The following CAMSAP1 variants were observed in gnomAD, a reference collection of about 807,000 sequenced individuals.
The protein encoded by CAMSAP1 is calmodulin regulated spectrin associated protein 1, also known as calmodulin-regulated spectrin-associated protein 1.
CAMSAP1 carries 58 observed loss-of-function variants against 143.5 expected under a neutral mutation model. The ratio of observed to expected loss-of-function variants is 0.40; its 90% CI spans 0.33 to 0.50. The LOEUF (loss-of-function observed/expected upper bound fraction) is 0.50. Among genes scored for constraint, CAMSAP1 ranks in the 20% least tolerant of loss-of-function variants. The pLI is 0.45. For synonymous variants in CAMSAP1, 945 were observed against 859.3 expected, an observed-to-expected ratio of 1.10 and a Z score of -1.74; for missense variants, 1,969 against 2,115.7, an observed-to-expected ratio of 0.93 and a Z score of 1.36.
rs1171119942 is a variant in CAMSAP1 at position 135,818,832 on chromosome 9, T to A, written c.3959+178A>T. Among the ~76,000 whole-genome samples, 2 of 151,676 alleles carry A rather than the reference T, an allele frequency of 1.3e-5. No individual in the cohort carries two copies. The highest frequency in any genetic ancestry group is 4.8e-5 in the African/African-American group (2 of 41,238). On this transcript the variant is annotated intron_variant, in intron 12 of 16. Transcript: ENST00000389532. The surrounding 1 kb of genome is among the most constrained non-coding windows in gnomAD (Gnocchi z 7.7). ...CCTCCCTGGCCACCGGCAACGCACG[T>A]CCTCACTGAAGATCAGCAGGGGCCG...
At chr9:135,881,855 C>G in intron 2 of CAMSAP1, 61 bp from the exon 3 acceptor site, 1 of 1,524,158 alleles carries the variant, frequency 6.6e-7, no homozygotes. Context: ...GGTTCTGATG[C>G]AGGGAACCTG....
intron 5 of CAMSAP1, 102 bp downstream of exon 5, chr9:135,862,362 ATTT>A: frequency 7.7e-7 from 1 of 1,306,708 alleles, no homozygotes; most frequent in Non-Finnish European, 1.0e-6. Context: ...TAAGGATTCC[ATTT>A]TCTTTCTCTT....
chr9:135,829,339 T>TA (rs1309018403), intron 7 of CAMSAP1, among the ~76,000 whole-genome samples: 1 of 142,760 alleles, frequency 7.0e-6, no homozygotes, highest in Non-Finnish European at 1.5e-5. Flanking sequence ...TCATCTCTAC[T>TA]GAAAAAAAAA....
At chr9:135,825,916 G>C (rs1835655277) in intron 8 of CAMSAP1, among the ~76,000 whole-genome samples, 1 of 152,178 alleles carries the variant, frequency 6.6e-6, no homozygotes, top group Non-Finnish European at 1.5e-5. Flanking sequence ...CGAAAGGGTT[G>C]CGGAGAGAGG....
Position 135,822,268 on chromosome 9 carries a change from G to A in CAMSAP1, c.2393C>T (p.Thr798Ile). 2 of 1,614,024 alleles carry A rather than the reference G, an allele frequency of 1.2e-6. No homozygotes were observed. Among genetic ancestry groups the A allele is most frequent in the African/African-American group, 1.3e-5 (1 of 75,074 alleles). Residue 798 changes from threonine (T) to isoleucine (I), a missense_variant, in exon 11 of 17, where the codon ACA (threonine) becomes ATA (isoleucine). Physicochemically the swap from Thr to Ile is moderately conservative, Grantham distance 89. This residue lies in a region of CAMSAP1 where 1,390 missense variants were observed against 1,420.8 expected (regional missense o/e 0.98). Coordinates refer to ENST00000389532, the MANE Select transcript of CAMSAP1 (RefSeq NM_015447.4). The surrounding 1 kb of genome is among the most constrained non-coding windows in gnomAD (Gnocchi z 6.1). ...ASGRSSPCLS[T>I]ASQMSSVSMA... ...GGAGACACTGCTCATCTGAGAGGCT[G>A]TGCTCAGGCAGGGGCTCGAGCGGCC...
intron 4 of CAMSAP1, chr9:135,865,244 T>C (rs1588485903): frequency 7.7e-7 from 1 of 1,306,340 alleles, no homozygotes; most frequent in East Asian, 2.5e-5. Flanking sequence ...AAAAAAACAG[T>C]TTTGGGTGCG....
At position 135,822,913 on chromosome 9, in the gene CAMSAP1, G is replaced by A. The variant is rs766318446; in HGVS notation, c.1748C>T (p.Ser583Leu). The A allele has an allele frequency of 1.9e-5, 30 of 1,613,826 alleles. No individual in the cohort carries two copies. Among genetic ancestry groups the A allele is most frequent in the Admixed American group, 3.3e-5 (2 of 60,008 alleles). ...GAAAAAACTGTCAGGCTTACTTTCC[G>A]AGGTGTCCAGCTGTCCTTGGGGAGA... ...ARSPQGQLDT[S>L]ESKPDSFFLE... Residue 583 changes from serine to leucine, a missense_variant, in exon 11 of 17, where the codon TCG becomes TTG. Transcript: ENST00000389532. This position sits in a 1 kb window ranked among gnomAD's most constrained non-coding sequence, Gnocchi z 6.1.
intron 5 of CAMSAP1, among the ~76,000 whole-genome samples, chr9:135,856,444 G>T (rs1177130799): frequency 6.6e-6 from 1 of 152,154 alleles, no homozygotes; most frequent in Non-Finnish European, 1.5e-5. Context: ...GGAATTATGG[G>T]AGTACAATTC....
intron 5 of CAMSAP1, among the ~76,000 whole-genome samples, chr9:135,851,286 C>T (rs1254806029): frequency 1.3e-5 from 2 of 152,158 alleles, no homozygotes; most frequent in Non-Finnish European, 2.9e-5. Context: ...AATTTTATTT[C>T]TAAGGAAAAA....
chr9:135,819,772 G>A (rs1197444767), intron 11 of CAMSAP1, among the ~76,000 whole-genome samples: 4 of 151,612 alleles, frequency 2.6e-5, no homozygotes, highest in African/African-American at 7.3e-5. Flanking sequence ...GCTTGAACTC[G>A]GGAGGCAGAG....
intron 7 of CAMSAP1, among the ~76,000 whole-genome samples, chr9:135,835,963 G>C (rs1263251327): frequency 6.6e-6 from 1 of 152,218 alleles, no homozygotes; most frequent in Non-Finnish European, 1.5e-5. Context: ...CTGGGTGACA[G>C]AGCAAGACCC....
At chr9:135,823,379 T>C in intron 10 of CAMSAP1, 119 bp from the exon 11 acceptor site, 1 of 1,128,234 alleles carries the variant, frequency 8.9e-7, no homozygotes, top group African/African-American at 1.6e-5. Context: ...ATGCAGGAGA[T>C]TTAAACTCAC....
At chr9:135,904,322 C>G (rs891140037) in intron 1 of CAMSAP1, among the ~76,000 whole-genome samples, 7 of 151,062 alleles carry the variant, frequency 4.6e-5, no homozygotes, top group Admixed American at 2.0e-4. Context: ...TCACTTGAGC[C>G]CGGCAGGCGG....
intron 11 of CAMSAP1, among the ~76,000 whole-genome samples, chr9:135,819,988 G>A (rs775760901): frequency 6.6e-6 from 1 of 152,192 alleles, no homozygotes; most frequent in African/African-American, 2.4e-5. Flanking sequence ...ATAACTGCCT[G>A]GAGGCAAAGC....
chr9:135,847,960 G>GGGGGGGAGGGGT (rs1836636072), intron 7 of CAMSAP1, among the ~76,000 whole-genome samples: 1 of 109,408 alleles, frequency 9.1e-6, no homozygotes, highest in South Asian at 3.7e-4. Context: ...GGGGGAGGGG[G>GGGGGGGAGGGGT]AGGAGTGAAG....
intron 4 of CAMSAP1, among the ~76,000 whole-genome samples, chr9:135,864,566 G>A (rs978615976): frequency 9.2e-5 from 14 of 152,158 alleles, no homozygotes; most frequent in Admixed American, 5.2e-4. Context: ...AAAAGTTCCC[G>A]AGAAAGGCAC....
chr9:135,886,978 G>T (rs1838143766), intron 1 of CAMSAP1, among the ~76,000 whole-genome samples: 1 of 152,236 alleles, frequency 6.6e-6, no homozygotes, highest in Non-Finnish European at 1.5e-5. Context: ...GGACAGGAGA[G>T]ATGAGCCTGT....
intron 5 of CAMSAP1, among the ~76,000 whole-genome samples, chr9:135,855,699 G>C (rs1042142248): frequency 1.3e-5 from 2 of 149,602 alleles, no homozygotes; most frequent in South Asian, 4.2e-4. Flanking sequence ...AGCAGAGATC[G>C]GGCCACTGCA....
chr9:135,851,426 G>A (rs963788858), intron 5 of CAMSAP1, among the ~76,000 whole-genome samples: 3 of 152,188 alleles, frequency 2.0e-5, no homozygotes, highest in Non-Finnish European at 4.4e-5. Context: ...GAGGAACTGT[G>A]CACACTCACA....
Sources: gnomAD v4.1 joint callset for allele counts (sites outside exome capture counted in the v4.1 genomes callset) on GRCh38, gnomAD v4.1.1 for gene constraint, gnomAD v4.1.1 regional missense constraint, Gnocchi (gnomAD v3.1) non-coding constraint, MANE v1.5 for transcripts, NCBI Gene and HGNC (gene_info 2026-07-23, HGNC 2026-07-21) for gene names.